Variants in FREM1 observed in about 807,000 individuals in gnomAD.
FREM1 encodes FRAS1-related extracellular matrix protein 1.
FREM1 carries 220 observed loss-of-function variants against 210.1 expected under a neutral mutation model. That is an observed-to-expected ratio of 1.05 (90% CI 0.94 to 1.17). The LOEUF is 1.17. Among genes scored for constraint, FREM1 ranks in the 50% most tolerant of loss-of-function variants. FREM1 has a pLI of 0.00. For synonymous variants in FREM1, 1,189 were observed against 980.2 expected, an observed-to-expected ratio of 1.21 and a Z score of -3.98; for missense variants, 3,454 against 2,675.5, an observed-to-expected ratio of 1.29 and a Z score of -6.42.
rs546003987 is a variant in FREM1, at chr9:14,902,047, T to C, written c.-268+7867A>G. Among the ~76,000 whole-genome samples the C allele has an allele frequency of 2.7e-4, 41 of 151,882 alleles. No individual in the cohort carries two copies. In the South Asian group the frequency reaches 8.1e-3, roughly 30 times the overall value. On this transcript the variant is annotated intron_variant, in intron 1 of 36. Transcript: ENST00000380880. ...TTTTTTAAGAGATCAGATCTCACTA[T>C]GTTTCTCAGGCTGGTCTCAAACTCC...
intron 1 of FREM1, among the ~76,000 whole-genome samples, chr9:14,900,810 C>T (rs917394316): frequency 9.2e-5 from 14 of 152,124 alleles, no homozygotes; most frequent in Middle Eastern, 3.2e-3. Context: ...GTTGCTTTGG[C>T]GCCAGTCCCC....
chr9:14,833,073 T>G (rs913221282), intron 10 of FREM1, among the ~76,000 whole-genome samples: 1 of 152,090 alleles, frequency 6.6e-6, no homozygotes, highest in Non-Finnish European at 1.5e-5. Flanking sequence ...TCTCTGCCAT[T>G]TTACCGTGGT....
chr9:14,812,111 T>G (rs548444507), intron 16 of FREM1, among the ~76,000 whole-genome samples: 12 of 152,166 alleles, frequency 7.9e-5, no homozygotes, highest in Non-Finnish European at 1.8e-4. Context: ...TGTCTACCCA[T>G]TTAAGTTCAA....
At chr9:14,845,215 A>C (rs1826367066) in intron 8 of FREM1, among the ~76,000 whole-genome samples, 1 of 152,354 alleles carries the variant, frequency 6.6e-6, no homozygotes, top group South Asian at 2.1e-4. Flanking sequence ...CCATAGAATT[A>C]TAAATTTATT....
intron 1 of FREM1, among the ~76,000 whole-genome samples, chr9:14,870,794 TC>T (rs1159044155): frequency 1.5e-5 from 2 of 133,230 alleles, no homozygotes; most frequent in Non-Finnish European, 3.2e-5. Context: ...CCTAATGCTA[TC>T]CCTCCCCCCT....
chr9:14,808,186 C>G (rs1349675054), intron 16 of FREM1, 52 bp from the exon 17 acceptor site: 2 of 1,229,096 alleles, frequency 1.6e-6, no homozygotes, highest in East Asian at 4.9e-5. Flanking sequence ...TATAGAATAC[C>G]AAGATGAAAT....
chr9:14,741,273 T>C (rs1193603771), intron 35 of FREM1, among the ~76,000 whole-genome samples: 1 of 152,254 alleles, frequency 6.6e-6, no homozygotes, highest in Non-Finnish European at 1.5e-5. Flanking sequence ...ATTTTGCCTA[T>C]GTCTTTTCAA....
At position 14,775,266 on chromosome 9, in the gene FREM1, C is replaced by T. The variant is rs1848346738; in HGVS notation, c.4857+523G>A. ...GTCTGTCTGACTCCAAAGCGTGTGG[C>T]TTTTGCTCCTTTCTGTGCTACCATC... On this transcript the variant is annotated intron_variant, in intron 25 of 36. Coordinates refer to ENST00000380880, the MANE Select transcript of FREM1 (RefSeq NM_001379081.2). Among the ~76,000 whole-genome samples the T allele has an allele frequency of 3.9e-5, 6 of 152,322 alleles. No individual in the cohort carries two copies. In the South Asian group the frequency reaches 1.2e-3, roughly 32 times the overall value.
chr9:14,883,043 CA>C (rs1179709330), intron 1 of FREM1, among the ~76,000 whole-genome samples: 3 of 150,422 alleles, frequency 2.0e-5, no homozygotes, highest in African/African-American at 7.3e-5. Context: ...CAAAATATAT[CA>C]AAGAGACAAG....
At chr9:14,840,496 G>C (rs900870417) in intron 10 of FREM1, among the ~76,000 whole-genome samples, 2 of 152,208 alleles carry the variant, frequency 1.3e-5, no homozygotes, top group African/African-American at 4.8e-5. Flanking sequence ...GGCAGAGAGA[G>C]AGCGCGCAAG....
chr9:14,851,275 CCTT>C lies in FREM1; in HGVS notation c.1152+6_1152+8del, dbSNP rs1175828586. The C allele has an allele frequency of 1.9e-6, 3 of 1,565,906 alleles. No homozygotes were observed. Among genetic ancestry groups the C allele is most frequent in the South Asian group, 2.5e-5 (2 of 81,616 alleles). On this transcript the variant is annotated splice_donor_region_variant and intron_variant, in intron 6 of 36. Coordinates refer to ENST00000380880, the MANE Select transcript of FREM1 (RefSeq NM_001379081.2). ...TAACTAGGCTGGAAGCTTTGTCTCT[CCTT>C]CTTACCTCATCATGTCTCCTCTCAG...
intron 15 of FREM1, among the ~76,000 whole-genome samples, chr9:14,813,968 C>A (rs1253243734): frequency 2.6e-5 from 4 of 152,176 alleles, no homozygotes; most frequent in South Asian, 2.1e-4. Context: ...TAGTATTTCT[C>A]TGGCCTTATC....
chr9:14,816,115 C>G (rs977622439), intron 15 of FREM1, among the ~76,000 whole-genome samples: 1 of 152,054 alleles, frequency 6.6e-6, no homozygotes, highest in Non-Finnish European at 1.5e-5. Flanking sequence ...GCCTAACCTG[C>G]CCCACTGCTA....
At position 14,770,794 on chromosome 9, in the gene FREM1, C is replaced by A. The variant is rs1371991436; in HGVS notation, c.4870G>T (p.Asp1624Tyr). The A allele has an allele frequency of 1.2e-6, 2 of 1,611,692 alleles. No individual in the cohort carries two copies. Among genetic ancestry groups the A allele is most frequent in the Admixed American group, 3.3e-5 (2 of 59,754 alleles). ...AGTGTGATACGAGGAGCTGTTTTGT[C>A]CAATTGGTCTACCTGGATCATCAAC... The part of the protein sequence containing the change: ...VLFTIQVDQL[D>Y]KTAPRITLLH... The change falls in exon 26 of 37, where the codon GAC becomes TAC. Residue 1624 changes from aspartate to tyrosine, a missense_variant. Transcript: ENST00000380880.
At chr9:14,831,390 T>C (rs1316478642) in intron 10 of FREM1, among the ~76,000 whole-genome samples, 1 of 152,242 alleles carries the variant, frequency 6.6e-6, no homozygotes, top group Non-Finnish European at 1.5e-5. Flanking sequence ...CTAAGCCACC[T>C]GGTAGAAATC....
chr9:14,852,816 C>T (rs1009735665), intron 5 of FREM1, among the ~76,000 whole-genome samples: 2 of 152,186 alleles, frequency 1.3e-5, no homozygotes, highest in Admixed American at 6.5e-5. Context: ...GAACACTTGC[C>T]ATTGGGCTAG....
chr9:14,879,107 A>G (rs1392544289), intron 1 of FREM1, among the ~76,000 whole-genome samples: 1 of 149,748 alleles, frequency 6.7e-6, no homozygotes. Context: ...CAGTAAGCCA[A>G]GATTGCACCA....
At chr9:14,784,917 T>C (rs2132872542) in intron 23 of FREM1, among the ~76,000 whole-genome samples, 1 of 152,358 alleles carries the variant, frequency 6.6e-6, no homozygotes, top group Non-Finnish European at 1.5e-5. Flanking sequence ...TCATAACTTT[T>C]TGATTGGCAA....
chr9:14,793,512 C>A (rs1851784467), intron 21 of FREM1, among the ~76,000 whole-genome samples: 1 of 152,320 alleles, frequency 6.6e-6, no homozygotes, highest in South Asian at 2.1e-4. Flanking sequence ...TGCTGCTGAT[C>A]CTACCAGAGC....
Sources: gnomAD v4.1 joint callset for allele counts (sites outside exome capture counted in the v4.1 genomes callset) on GRCh38, gnomAD v4.1.1 for gene constraint, MANE v1.5 for transcripts, NCBI Gene and HGNC (gene_info 2026-07-23, HGNC 2026-07-21) for gene names.